DNAH9: variants seen among roughly 807,000 people sequenced by gnomAD.
The protein encoded by DNAH9 is dynein axonemal heavy chain 9.
In DNAH9, 345 loss-of-function variants were observed where a neutral mutation model predicts 471.6. The observed-to-expected ratio is 0.73, with a 90% CI of 0.67 to 0.80. The LOEUF (loss-of-function observed/expected upper bound fraction) is 0.80, where lower values mean the gene tolerates loss of function less well. Ranked by LOEUF, DNAH9 falls within the 30% of genes least tolerant of loss-of-function variation. DNAH9 has a pLI of 0.00. For missense variants in DNAH9, 5,407 were observed against 5,609.2 expected (o/e 0.96, Z 1.15); for synonymous variants, 2,093 against 2,123.6 (o/e 0.99, Z 0.40).
At chr17:11,669,015 C>T (rs2073930386) in intron 15 of DNAH9, 49 bp from the exon 16 acceptor site, 2 of 1,336,158 alleles carry the variant, frequency 1.5e-6, no homozygotes, top group African/African-American at 1.5e-5. Context: ...TCTACTTTGT[C>T]CATTTTATCC....
chr17:11,818,885 CTATTATTATTAT>C (rs140324358), intron 45 of DNAH9, among the ~76,000 whole-genome samples: 4 of 147,186 alleles, frequency 2.7e-5, no homozygotes, highest in African/African-American at 7.4e-5. Flanking sequence ...TCCATTATTA[CTATTATTATTAT>C]TATTATTATT....
chr17:11,866,161 G>A (rs1972045416), intron 50 of DNAH9, among the ~76,000 whole-genome samples: 1 of 150,106 alleles, frequency 6.7e-6, no homozygotes, highest in Admixed American at 6.6e-5. Flanking sequence ...TCTACTTTTG[G>A]TCTTTGATGA....
At chr17:11,928,604 A>G (rs1048123785) in intron 62 of DNAH9, among the ~76,000 whole-genome samples, 4 of 152,260 alleles carry the variant, frequency 2.6e-5, no homozygotes, top group African/African-American at 7.2e-5. Flanking sequence ...ACAGACAGCA[A>G]TCAAACGTTG....
intron 61 of DNAH9, among the ~76,000 whole-genome samples, chr17:11,907,725 G>A (rs906488976): frequency 6.6e-6 from 1 of 152,074 alleles, no homozygotes; most frequent in Non-Finnish European, 1.5e-5. Flanking sequence ...AGCTAACTAG[G>A]CCCTAAAGAA....
At chr17:11,719,521 G>C in intron 27 of DNAH9, 31 bp downstream of exon 27, 1 of 1,590,000 alleles carries the variant, frequency 6.3e-7, no homozygotes, top group South Asian at 1.1e-5. Context: ...CTGGGGGTGG[G>C]GGTGGGGGAT....
chr17:11,735,223 A>G (rs2075325971), intron 28 of DNAH9, among the ~76,000 whole-genome samples: 1 of 151,872 alleles, frequency 6.6e-6, no homozygotes, highest in Non-Finnish European at 1.5e-5. Context: ...CTGTTTTGTG[A>G]AGATCTATCC....
At chr17:11,966,668 T>C (rs879596855) in intron 68 of DNAH9, among the ~76,000 whole-genome samples, 1 of 152,106 alleles carries the variant, frequency 6.6e-6, no homozygotes, top group Non-Finnish European at 1.5e-5. Context: ...TGTTGATGGA[T>C]AGAAATGTAT....
intron 36 of DNAH9, among the ~76,000 whole-genome samples, chr17:11,767,748 G>T (rs2150875566): frequency 6.6e-6 from 1 of 152,174 alleles, no homozygotes; most frequent in East Asian, 1.9e-4. Flanking sequence ...AGTACACTGG[G>T]TATACAGCCC....
chr17:11,808,136 G>A (rs143576213), intron 44 of DNAH9, among the ~76,000 whole-genome samples: 2 of 152,280 alleles, frequency 1.3e-5, no homozygotes, highest in African/African-American at 2.4e-5. Context: ...CGTCTGTGGG[G>A]CCTCCACTCT....
intron 56 of DNAH9, chr17:11,884,705 T>C (rs989099463): frequency 2.6e-6 from 1 of 385,688 alleles, no homozygotes; most frequent in African/African-American, 2.1e-5. Context: ...CAGCCGAACA[T>C]TGGGTCAACA....
intron 1 of DNAH9, among the ~76,000 whole-genome samples, chr17:11,599,704 A>G (rs1034154971): frequency 6.6e-6 from 1 of 152,100 alleles, no homozygotes; most frequent in Non-Finnish European, 1.5e-5. Flanking sequence ...ACCTTTCTGG[A>G]ATGGGAGTAA....
chr17:11,732,858 C>T (rs958432237), intron 28 of DNAH9, among the ~76,000 whole-genome samples: 1 of 152,094 alleles, frequency 6.6e-6, no homozygotes, highest in Non-Finnish European at 1.5e-5. Flanking sequence ...GCATTACAAG[C>T]CCCAATAATG....
At chr17:11,750,731 T>A (rs553125326) in intron 32 of DNAH9, among the ~76,000 whole-genome samples, 5 of 152,234 alleles carry the variant, frequency 3.3e-5, no homozygotes, top group African/African-American at 1.2e-4. Context: ...ATAAAAAAAA[T>A]ACTTCATACA....
rs576432551 is a variant in DNAH9 at position 11,816,665 on chromosome 17, A to G, written c.8708-5255A>G. On this transcript the variant is annotated intron_variant, in intron 45 of 68. Coordinates refer to ENST00000262442, the MANE Select transcript of DNAH9 (RefSeq NM_001372.4). ...TTCACCCTTTTTATCACCAAAGTCCAACTAACTAAACCACGTTAAATTATC... is the reference window on the plus strand; with the variant it reads ...TTCACCCTTTTTATCACCAAAGTCCGACTAACTAAACCACGTTAAATTATC... 5.3e-5 allele frequency among the ~76,000 whole-genome samples: 8 copies of G among 152,324 alleles called. No homozygotes were observed. In the South Asian group the frequency reaches 1.7e-3, roughly 32 times the overall value.
In DNAH9 at chr17:11,834,782, A is replaced by G. The variant is rs1342488953; in HGVS notation, c.9391A>G (p.Lys3131Glu). The stretch of plus-strand genomic sequence containing the variant: ...AGCCATGGCAGATGAAGAGGAGCAG[A>G]AGGTGGCCGTCATCATGCTAGAGGT... ...EKAMADEEEQ[K>E]VAVIMLEVKQ... The change falls in exon 49 of 69, where the codon AAG (lysine) becomes GAG (glutamate). Residue 3131 changes from lysine (K) to glutamate (E), a missense_variant. Transcript: ENST00000262442. 2 of 1,614,120 alleles carry G rather than the reference A, an allele frequency of 1.2e-6. No homozygotes were observed. The highest frequency in any genetic ancestry group is 3.3e-5 in the Admixed American group (2 of 59,998).
intron 67 of DNAH9, among the ~76,000 whole-genome samples, chr17:11,949,481 CTT>C (rs71367360): frequency 3.5e-4 from 51 of 146,748 alleles, no homozygotes; most frequent in African/African-American, 1.2e-3. Context: ...TAGCTTGAGA[CTT>C]TTTTTTTTTT....
intron 38 of DNAH9, among the ~76,000 whole-genome samples, chr17:11,779,688 C>A (rs1359023563): frequency 6.6e-6 from 1 of 152,202 alleles, no homozygotes; most frequent in Non-Finnish European, 1.5e-5. Context: ...ATTAGAAGAA[C>A]TGTTCTCAAA....
Position 11,779,974 on chromosome 17 carries a change from CAAGAG to C in DNAH9, c.7553-1030_7553-1026del, listed in dbSNP as rs369748489. On this transcript the variant is annotated intron_variant, in intron 38 of 68. Coordinates refer to ENST00000262442, the MANE Select transcript of DNAH9 (RefSeq NM_001372.4). ...TCTCCTTGTTTACAAACTTGTTTTT[CAAGAG>C]AAGAAATCAGATGGTTCTCAGAGCT... Among the ~76,000 whole-genome samples the C allele has an allele frequency of 2.7e-3, 408 of 152,274 alleles. 2 individuals are homozygous for C. Among genetic ancestry groups the C allele is most frequent in the Middle Eastern group, 0.01 (3 of 294 alleles).
At chr17:11,912,050 G>A (rs926397412) in intron 61 of DNAH9, among the ~76,000 whole-genome samples, 7 of 151,930 alleles carry the variant, frequency 4.6e-5, no homozygotes, top group South Asian at 2.1e-4. Context: ...ATGGAGTCTC[G>A]CTCTGTCACC....
Sources: gnomAD v4.1 joint callset for allele counts (sites outside exome capture counted in the v4.1 genomes callset) on GRCh38, gnomAD v4.1.1 for gene constraint, MANE v1.5 for transcripts, NCBI Gene and HGNC (gene_info 2026-07-23, HGNC 2026-07-21) for gene names.